Variants in EZH2 observed in about 807,000 individuals in gnomAD.
The protein encoded by EZH2 is enhancer of zeste 2 polycomb repressive complex 2 subunit.
Under a neutral mutation model 98.4 loss-of-function variants are expected in EZH2, and 18 were observed. The observed-to-expected ratio is 0.18, with a 90% CI of 0.13 to 0.27. EZH2 has a LOEUF of 0.27. Among genes scored for constraint, EZH2 ranks in the 10% least tolerant of loss-of-function variants. The pLI is 1.00. For synonymous variants in EZH2, 338 were observed against 312.3 expected (o/e 1.08, Z -0.87); for missense variants, 470 against 935.1 (o/e 0.50, Z 6.49).
intron 1 of EZH2, among the ~76,000 whole-genome samples, chr7:148,873,136 T>C (rs1004313711): frequency 1.3e-5 from 2 of 151,718 alleles, no homozygotes; most frequent in East Asian, 3.9e-4. Context: ...TGAGCTATGA[T>C]CACGCCACTA....
intron 1 of EZH2, among the ~76,000 whole-genome samples, chr7:148,870,657 G>A (rs908403566): frequency 6.6e-6 from 1 of 150,642 alleles, no homozygotes; most frequent in African/African-American, 2.4e-5. Flanking sequence ...AGCCATCATC[G>A]TGCCACTGCA....
At chr7:148,847,116 G>T in intron 2 of EZH2, 66 bp downstream of exon 2, 5 of 1,524,108 alleles carry the variant, frequency 3.3e-6, no homozygotes, top group Non-Finnish European at 4.4e-6. Flanking sequence ...AAAACTTATT[G>T]AACTTAGGAG....
At position 148,807,415 on chromosome 7, in the gene EZH2, A is replaced by G; in HGVS notation, c.*231T>C. 1 of 512,292 alleles carries G rather than the reference A, an allele frequency of 2.0e-6. No homozygotes were observed. Among genetic ancestry groups the G allele is most frequent in the Non-Finnish European group, 3.5e-6 (1 of 288,284 alleles). The allele number at this position is 512,292 out of a possible 1,614,324, so 31.7% of individuals were successfully genotyped here. Reference sequence around the variant, plus strand: ...TCAAGTATTCTTTATTCAAAGTTGAAAAATGTACCATACTGCATTATTGCA... The same window carrying G: ...TCAAGTATTCTTTATTCAAAGTTGAGAAATGTACCATACTGCATTATTGCA... On this transcript the variant is annotated 3_prime_UTR_variant, in exon 20 of 20. Coordinates refer to ENST00000320356, the MANE Select transcript of EZH2 (RefSeq NM_004456.5).
Position 148,884,148 on chromosome 7 carries a change from C to A in EZH2, c.-8+16G>T. 6.5e-6 allele frequency: 1 copy of A among 152,912 alleles called. No homozygotes were observed. The allele number at this position is 152,912 out of a possible 1,614,324, so 9.5% of individuals were successfully genotyped here. On this transcript the variant is annotated intron_variant, in intron 1 of 19. Transcript: ENST00000320356. ...CCGGAGCCCCGCCGGCCGGGCCGCC[C>A]GCAGCGGCGCGTTACCTTCGTCCCG...
intron 1 of EZH2, among the ~76,000 whole-genome samples, chr7:148,853,209 C>T (rs1025283937): frequency 2.0e-5 from 3 of 152,072 alleles, no homozygotes; most frequent in Non-Finnish European, 2.9e-5. Flanking sequence ...GTCAGGAATT[C>T]GAGACCAGTC....
At chr7:148,819,570 T>G in intron 9 of EZH2, 26 bp downstream of exon 9, 1 of 1,593,630 alleles carries the variant, frequency 6.3e-7, no homozygotes, top group South Asian at 1.1e-5. Context: ...AAGTACCCTC[T>G]GCAATAATTA....
At chr7:148,849,507 T>C (rs1227844529) in intron 1 of EZH2, among the ~76,000 whole-genome samples, 4 of 152,162 alleles carry the variant, frequency 2.6e-5, no homozygotes, top group Admixed American at 2.6e-4. Flanking sequence ...AGAAGGCTGA[T>C]GAAATCACCA....
chr7:148,816,564 T>C, intron 12 of EZH2, 120 bp downstream of exon 12: 1 of 658,994 alleles, frequency 1.5e-6, no homozygotes, highest in Admixed American at 2.7e-5. Flanking sequence ...CTGTTTTTGA[T>C]GGCAGTTTAA....
intron 1 of EZH2, among the ~76,000 whole-genome samples, chr7:148,855,964 G>C (rs1401366093): frequency 6.7e-6 from 1 of 148,858 alleles, no homozygotes; most frequent in South Asian, 2.1e-4. Flanking sequence ...AGTAATATCA[G>C]GAATTACAAC....
chr7:148,852,815 T>C (rs1816092907), intron 1 of EZH2, among the ~76,000 whole-genome samples: 1 of 152,162 alleles, frequency 6.6e-6, no homozygotes, highest in Non-Finnish European at 1.5e-5. Context: ...TTTTTCTTAA[T>C]ACAGAGGGTA....
chr7:148,862,049 A>G (rs1036104208), intron 1 of EZH2, among the ~76,000 whole-genome samples: 1 of 152,192 alleles, frequency 6.6e-6, no homozygotes, highest in Admixed American at 6.5e-5. Context: ...ACACCAAAAC[A>G]GTTCTATTAA....
intron 1 of EZH2, among the ~76,000 whole-genome samples, chr7:148,870,577 C>T (rs764681491): frequency 1.5e-4 from 23 of 151,918 alleles, no homozygotes; most frequent in Non-Finnish European, 2.6e-4. Context: ...GTGGTGCATA[C>T]CTGTAATCCC....
chr7:148,822,194 T>TG (rs1458952844), intron 8 of EZH2, among the ~76,000 whole-genome samples: 1 of 152,196 alleles, frequency 6.6e-6, no homozygotes, highest in Non-Finnish European at 1.5e-5. Context: ...AGCTAACTGA[T>TG]AAATTCAACT....
In EZH2 at chr7:148,809,795, AAG is replaced by A. The variant is rs563630300; in HGVS notation, c.2030-407_2030-406del. On this transcript the variant is annotated intron_variant, in intron 17 of 19. Transcript: ENST00000320356. Reference sequence around the variant, plus strand: ...AAAACCTATTCTACTTGTTCCAACTAAGAGTTTCTCTGAATATCTTACATGTT... The same window carrying A: ...AAAACCTATTCTACTTGTTCCAACTAAGTTTCTCTGAATATCTTACATGTT... Among the ~76,000 whole-genome samples, 15 of 152,322 alleles carry A rather than the reference AAG, an allele frequency of 9.8e-5. 1 individual carries two copies. The South Asian group carries it at 3.1e-3, about 32-fold the overall frequency.
intron 1 of EZH2, among the ~76,000 whole-genome samples, chr7:148,880,516 T>C (rs1820804204): frequency 6.6e-6 from 1 of 152,228 alleles, no homozygotes; most frequent in African/African-American, 2.4e-5. Flanking sequence ...ATCCAGATGA[T>C]TCATCAAGTT....
At chr7:148,869,401 A>C (rs1563067753) in intron 1 of EZH2, among the ~76,000 whole-genome samples, 1 of 125,052 alleles carries the variant, frequency 8.0e-6, no homozygotes, top group Non-Finnish European at 1.6e-5. Context: ...GCTGGAGTGC[A>C]GGGGTGCAAA....
intron 1 of EZH2, among the ~76,000 whole-genome samples, chr7:148,882,335 G>A (rs1458844372): frequency 1.3e-5 from 2 of 152,212 alleles, no homozygotes; most frequent in East Asian, 3.9e-4. Flanking sequence ...TGTTTTCTTG[G>A]AATATATTCA....
chr7:148,837,370 G>A (rs573179996), intron 3 of EZH2, among the ~76,000 whole-genome samples: 12 of 152,250 alleles, frequency 7.9e-5, no homozygotes, highest in African/African-American at 1.7e-4. Flanking sequence ...CAGGAAGGTC[G>A]GCACTCCAGG....
At chr7:148,826,846 G>A (rs949839252) in intron 7 of EZH2, among the ~76,000 whole-genome samples, 1 of 152,098 alleles carries the variant, frequency 6.6e-6, no homozygotes, top group African/African-American at 2.4e-5. Flanking sequence ...CATGGAAAAG[G>A]ATATTATATT....
Sources: gnomAD v4.1 joint callset for allele counts (sites outside exome capture counted in the v4.1 genomes callset) on GRCh38, gnomAD v4.1.1 for gene constraint, MANE v1.5 for transcripts, NCBI Gene and HGNC (gene_info 2026-07-23, HGNC 2026-07-21) for gene names.